Variants in LRRC36 observed in about 807,000 individuals in gnomAD.
The protein encoded by LRRC36 is leucine rich repeat containing 36, also known as leucine-rich repeat-containing protein 36.
A neutral mutation model predicts 81.1 loss-of-function variants in LRRC36; 62 were observed. That is an observed-to-expected ratio of 0.76 (90% CI 0.62 to 0.94). The LOEUF is 0.94. Among genes scored for constraint, LRRC36 ranks in the 40% least tolerant of loss-of-function variants. The pLI, the probability that LRRC36 is intolerant of heterozygous loss-of-function variation, is 0.00. For synonymous variants in LRRC36, 334 were observed against 348.6 expected (o/e 0.96, Z 0.47); for missense variants, 761 against 881.7 (o/e 0.86, Z 1.73).
chr16:67,362,969 G>C (rs1057153666), intron 5 of LRRC36, among the ~76,000 whole-genome samples: 3 of 152,126 alleles, frequency 2.0e-5, no homozygotes, highest in Non-Finnish European at 4.4e-5. Context: ...TTTTAGTAGA[G>C]ACAGAGTTTC....
intron 10 of LRRC36, 89 bp downstream of exon 10, chr16:67,375,501 TG>T (rs2039857402): frequency 8.7e-7 from 1 of 1,146,820 alleles, no homozygotes; most frequent in Non-Finnish European, 1.2e-6. Flanking sequence ...TCTCTTCACT[TG>T]CAAGGAAAGT....
intron 4 of LRRC36, among the ~76,000 whole-genome samples, chr16:67,349,810 G>T (rs1474196756): frequency 6.6e-6 from 1 of 151,898 alleles, no homozygotes; most frequent in Non-Finnish European, 1.5e-5. Context: ...ACCCAAACTG[G>T]AGTACAGTGG....
Position 67,376,771 on chromosome 16 carries a change from T to C in LRRC36, c.1705T>C (p.Ser569Pro), listed in dbSNP as rs777785325. The C allele has an allele frequency of 5.0e-6, 8 of 1,613,708 alleles. No homozygotes were observed. The highest frequency in any genetic ancestry group is 1.3e-5 in the African/African-American group (1 of 74,934). ...LLLSLVVPAP[S>P]QPRCCSHPED... is the part of the protein sequence containing the mutation. ...TCTGTCTTTGGTAGTCCCGGCTCCT[T>C]CTCAGCCGAGGTGTTGCTCACATCC... The change falls in exon 11 of 14, where the codon TCT (serine) becomes CCT (proline). Residue 569 changes from serine to proline, a missense_variant. Transcript: ENST00000329956.
In LRRC36 at chr16:67,375,306, C is replaced by G. The variant is rs1363510322; in HGVS notation, c.1554C>G (p.Ile518Met). 6.2e-7 allele frequency: 1 copy of G among 1,612,464 alleles called. No individual in the cohort carries two copies. The highest frequency in any genetic ancestry group is 1.3e-5 in the African/African-American group (1 of 74,532). Residue 518 changes from isoleucine (I) to methionine (M), a missense_variant, in exon 10 of 14, where the codon ATC becomes ATG. By Grantham distance (10) the Ile-to-Met change is conservative (BLOSUM62 1). This residue lies in a region of LRRC36 where 359 missense variants were observed against 388.4 expected (regional missense o/e 0.92). Coordinates refer to ENST00000329956, the MANE Select transcript of LRRC36 (RefSeq NM_018296.6). ...TGGCTGGAAACCACAGTCCCCCCAT[C>G]TCTGCCAGAACCCCCCATGTGGCCA... is the stretch of plus-strand genomic sequence containing the variant. ...HGLAGNHSPP[I>M]SARTPHVATV...
At position 67,342,101 on chromosome 16, in the gene LRRC36, A is replaced by G. The variant is rs375033923; in HGVS notation, c.198+17A>G. On this transcript the variant is annotated intron_variant, in intron 2 of 13. Transcript: ENST00000329956. ...AGCCTTAAGGTAAGTTATATATTCT[A>G]TGACCAGCCAGGTCTGCCCAATTTA... 3 of 1,547,812 alleles carry G rather than the reference A, an allele frequency of 1.9e-6. No homozygotes were observed. Among genetic ancestry groups the G allele is most frequent in the Non-Finnish European group, 2.6e-6 (3 of 1,139,336 alleles).
At chr16:67,348,670 T>A (rs1009008966) in intron 4 of LRRC36, 1 of 152,186 alleles carries the variant, frequency 6.6e-6, no homozygotes, top group Non-Finnish European at 1.5e-5. Flanking sequence ...CCCACAACAT[T>A]ATTCTTATAT....
At chr16:67,345,839 CCTT>C (rs963394566) in intron 2 of LRRC36, among the ~76,000 whole-genome samples, 2 of 151,818 alleles carry the variant, frequency 1.3e-5, no homozygotes, top group African/African-American at 4.8e-5. Context: ...TGCTTACCTC[CCTT>C]CTTCTTGTAA....
At chr16:67,376,966 A>G in intron 11 of LRRC36, 94 bp downstream of exon 11, 1 of 1,320,668 alleles carries the variant, frequency 7.6e-7, no homozygotes, top group South Asian at 1.8e-5. Context: ...ACACCTAACC[A>G]AAATATGGCA....
chr16:67,347,318 C>T, intron 3 of LRRC36, 177 bp from the exon 4 acceptor site: 5 of 1,260,602 alleles, frequency 4.0e-6, no homozygotes, highest in Non-Finnish European at 5.3e-6. Context: ...CTGCAGTCTC[C>T]CTGAGTTCCT....
chr16:67,374,648 G>A (rs932095590), intron 9 of LRRC36, among the ~76,000 whole-genome samples: 5 of 151,674 alleles, frequency 3.3e-5, no homozygotes, highest in African/African-American at 4.8e-5. Flanking sequence ...TGCCTGCCTC[G>A]GCCTCCCAAA....
chr16:67,382,220 C>G lies in LRRC36; in HGVS notation c.2018C>G (p.Thr673Arg), dbSNP rs750405101. Reference sequence around the variant, plus strand: ...GCCCAGCTGAAAAAGCTGGAGAAGACAGTTGCCATTCTCCATGAAAGTCAG... The same window carrying G: ...GCCCAGCTGAAAAAGCTGGAGAAGAGAGTTGCCATTCTCCATGAAAGTCAG... Reference protein sequence around the residue: ...ELAQLKKLEKTVAILHESQRS... With the variant: ...ELAQLKKLEKRVAILHESQRS... The change falls in exon 13 of 14, where the codon ACA (threonine) becomes AGA (arginine). Residue 673 changes from threonine to arginine, a missense_variant. Thr to Arg is a moderately conservative substitution (Grantham distance 71). Around this residue, in one of 3 missense-constraint regions of LRRC36, gnomAD observed 359 missense variants for 388.4 expected, o/e 0.92. Transcript: ENST00000329956. 1 of 1,613,922 alleles carries G rather than the reference C, an allele frequency of 6.2e-7. No individual in the cohort carries two copies. The highest frequency in any genetic ancestry group is 1.3e-5 in the African/African-American group (1 of 74,930).
intron 11 of LRRC36, 115 bp from the exon 12 acceptor site, chr16:67,378,474 A>G: frequency 1.1e-6 from 1 of 870,170 alleles, no homozygotes; most frequent in Non-Finnish European, 1.8e-6. Flanking sequence ...TCCTGAGCTC[A>G]GGCAAACCAT....
Position 67,346,339 on chromosome 16 carries a change from AC to A in LRRC36, c.284del (p.Pro95ArgfsTer10). The A allele has an allele frequency of 1.2e-6, 2 of 1,612,500 alleles. No homozygotes were observed. Among genetic ancestry groups the A allele is most frequent in the Non-Finnish European group, 1.7e-6 (2 of 1,178,608 alleles). On this transcript the variant is annotated frameshift_variant, in exon 3 of 14. Transcript: ENST00000329956. LOFTEE classifies it high-confidence loss of function. Reference sequence around the variant, plus strand: ...CATTAGTGGAAGTGTCCCGTCTACAACCGTTACCCTTCCTCAAAGAACTGGA... The same window carrying A: ...CATTAGTGGAAGTGTCCCGTCTACAACGTTACCCTTCCTCAAAGAACTGGA... ...PSLVEVSRLQ[P>X]LPFLKELDLR...
In LRRC36 at chr16:67,367,090, A is replaced by T; in HGVS notation, c.828A>T (p.Val276=). 1 of 1,614,204 alleles carries T rather than the reference A, an allele frequency of 6.2e-7. No homozygotes were observed. The highest frequency in any genetic ancestry group is 8.5e-7 in the Non-Finnish European group (1 of 1,180,016). The change falls in exon 8 of 14, where the codon GTA becomes GTT. Residue 276 remains valine, a synonymous_variant. Transcript: ENST00000329956. ...AGATGACTAGAGAAGGGTACCAAGT[A>T]TCTTTTTTGGACAATAAGTCTTCAG... The part of the protein sequence containing the change: ...PEKMTREGYQ[V]SFLDNKSSGS...
At chr16:67,364,561 T>C (rs2039299995) in intron 6 of LRRC36, among the ~76,000 whole-genome samples, 1 of 152,206 alleles carries the variant, frequency 6.6e-6, no homozygotes, top group South Asian at 2.1e-4. Flanking sequence ...TTAATCAGTT[T>C]CTTTGTTTTT....
At chr16:67,354,625 A>T (rs1323564816) in intron 5 of LRRC36, among the ~76,000 whole-genome samples, 4 of 152,160 alleles carry the variant, frequency 2.6e-5, no homozygotes, top group African/African-American at 9.7e-5. Flanking sequence ...ACAGTTTTAG[A>T]TTCACAGCAA....
At chr16:67,371,585 C>A in intron 9 of LRRC36, 1 of 332,736 alleles carries the variant, frequency 3.0e-6, no homozygotes, top group Non-Finnish European at 5.9e-6. Flanking sequence ...AAAAGCATTG[C>A]TTCAGGCTGG....
intron 5 of LRRC36, 30 bp from the exon 6 acceptor site, chr16:67,363,560 C>G: frequency 6.2e-7 from 1 of 1,611,338 alleles, no homozygotes; most frequent in Non-Finnish European, 8.5e-7. Flanking sequence ...TCAGTGAGTG[C>G]TTTATTGTTT....
In LRRC36 at chr16:67,367,417, C is replaced by G. The variant is rs1168530152; in HGVS notation, c.1155C>G (p.Asn385Lys). ...GAGACTTATTAACTTCTCTGTCAAACCCTGACTCCAGCACTGGAAGGCTTT... is the reference window on the plus strand; with the variant it reads ...GAGACTTATTAACTTCTCTGTCAAAGCCTGACTCCAGCACTGGAAGGCTTT... ...SCGDLLTSLSNPDSSTGRLLK... is the reference protein window; with the variant it reads ...SCGDLLTSLSKPDSSTGRLLK... Residue 385 changes from asparagine (N) to lysine (K), a missense_variant, in exon 8 of 14, where the codon AAC (asparagine) becomes AAG (lysine). By Grantham distance (94) the Asn-to-Lys change is moderately conservative. Around this residue, in one of 3 missense-constraint regions of LRRC36, gnomAD observed 139 missense variants for 214.0 expected, o/e 0.65. Coordinates refer to ENST00000329956, the MANE Select transcript of LRRC36 (RefSeq NM_018296.6). 17 of 1,613,718 alleles carry G rather than the reference C, an allele frequency of 1.1e-5. No individual in the cohort carries two copies. Among genetic ancestry groups the G allele is most frequent in the Non-Finnish European group, 1.4e-5 (17 of 1,179,786 alleles).
Sources: gnomAD v4.1 joint callset for allele counts (sites outside exome capture counted in the v4.1 genomes callset) on GRCh38, gnomAD v4.1.1 for gene constraint, gnomAD v4.1.1 regional missense constraint, MANE v1.5 for transcripts, NCBI Gene and HGNC (gene_info 2026-07-23, HGNC 2026-07-21) for gene names.